AMOTL1: variants seen among roughly 807,000 people sequenced by gnomAD.
AMOTL1 encodes the protein angiomotin like 1.
In AMOTL1, 45 loss-of-function variants were observed where a neutral mutation model predicts 102.9. The ratio of observed to expected loss-of-function variants is 0.44; its 90% CI spans 0.34 to 0.56. The LOEUF (loss-of-function observed/expected upper bound fraction) is 0.56, where lower values mean the gene tolerates loss of function less well. AMOTL1 is among the 20% of genes least tolerant of loss of function. The probability of loss-of-function intolerance (pLI) is 0.01; values close to 1 mark genes in which losing one functional copy is unlikely to be tolerated. For synonymous variants in AMOTL1, 481 were observed against 484.7 expected (o/e 0.99, Z 0.10); for missense variants, 1,114 against 1,225.6 (o/e 0.91, Z 1.36).
chr11:94,847,978 T>A (rs1177122085), intron 6 of AMOTL1, among the ~76,000 whole-genome samples: 1 of 152,152 alleles, frequency 6.6e-6, no homozygotes, highest in Non-Finnish European at 1.5e-5. Flanking sequence ...ATGCTTAGGT[T>A]GATAACCAGG....
At chr11:94,771,742 ACCT>A (rs566988519) in intron 1 of AMOTL1, among the ~76,000 whole-genome samples, 178 of 152,018 alleles carry the variant, frequency 1.2e-3, no homozygotes, top group African/African-American at 4.2e-3. Context: ...GCCTTGTGTA[ACCT>A]TAGGGTATAT....
chr11:94,747,763 C>T lies in AMOTL1; in HGVS notation c.136+6775C>T, dbSNP rs116846808. On this transcript the variant is annotated intron_variant, in intron 3 of 4. Transcript: ENST00000299004. ...TGTCATTAAGGACCCTGGCTTCTTCCGTTTCCTGGCTTTACCATCTTCTAG... is the reference window on the plus strand; with the variant it reads ...TGTCATTAAGGACCCTGGCTTCTTCTGTTTCCTGGCTTTACCATCTTCTAG... 3.6e-4 allele frequency among the ~76,000 whole-genome samples: 55 copies of T among 152,286 alleles called. 1 individual carries two copies. In the East Asian group the frequency reaches 9.5e-3, roughly 26 times the overall value.
chr11:94,841,974 G>A (rs540002600), intron 6 of AMOTL1, among the ~76,000 whole-genome samples: 8 of 152,236 alleles, frequency 5.3e-5, no homozygotes, highest in South Asian at 2.1e-4. Flanking sequence ...AACTCACTGC[G>A]GGTTCTGGAT....
rs571040175 is a variant in AMOTL1, at chr11:94,734,178, G to A, written c.85+5123G>A. On this transcript the variant is annotated intron_variant, in intron 2 of 4. Transcript: ENST00000299004. The stretch of plus-strand genomic sequence containing the variant: ...GTTAATTTCATTTCATCTCTTGGTC[G>A]CTGGCCTTGAGGCAGATCCATACAA... 3.3e-5 allele frequency among the ~76,000 whole-genome samples: 5 copies of A among 152,216 alleles called. No individual in the cohort carries two copies. The East Asian group carries it at 5.8e-4, about 18-fold the overall frequency.
intron 1 of AMOTL1, among the ~76,000 whole-genome samples, chr11:94,771,427 T>C (rs1019782286): frequency 6.6e-6 from 1 of 151,994 alleles, no homozygotes; most frequent in African/African-American, 2.4e-5. Flanking sequence ...AAGCAAGGGG[T>C]AGTGTGGAGG....
At chr11:94,827,770 C>T (rs1022418890) in intron 4 of AMOTL1, among the ~76,000 whole-genome samples, 5 of 152,212 alleles carry the variant, frequency 3.3e-5, no homozygotes, top group African/African-American at 1.2e-4. Flanking sequence ...GCTCTCCAGC[C>T]TGTTCATCAG....
At chr11:94,788,624 T>C (rs1031941606) in intron 1 of AMOTL1, among the ~76,000 whole-genome samples, 3 of 152,222 alleles carry the variant, frequency 2.0e-5, no homozygotes, top group African/African-American at 7.2e-5. Flanking sequence ...TAACATACTT[T>C]GCAATAAAAA....
intron 3 of AMOTL1, among the ~76,000 whole-genome samples, chr11:94,817,870 A>T (rs1011348341): frequency 3.9e-5 from 6 of 152,156 alleles, no homozygotes; most frequent in Non-Finnish European, 4.4e-5. Context: ...GAAAGACTGA[A>T]ATAATCTTTT....
intron 1 of AMOTL1, 73 bp from the exon 2 acceptor site, chr11:94,794,938 G>A: frequency 2.0e-6 from 3 of 1,473,316 alleles, no homozygotes; most frequent in South Asian, 1.4e-5. Flanking sequence ...TGCCTGGTGG[G>A]TTCTTGTGAG....
In AMOTL1 at chr11:94,821,598, C is replaced by G. The variant is rs781483732; in HGVS notation, c.1190C>G (p.Ser397Cys). The change falls in exon 4 of 13, where the codon TCC (serine) becomes TGC (cysteine). Residue 397 changes from serine (S) to cysteine (C), a missense_variant. Physicochemically the swap from Ser to Cys is moderately radical, Grantham distance 112 (BLOSUM62 -1). Transcript: ENST00000433060. ...QHSPMSSQTS[S>C]ASGPLHSVSL... ...AGCCCCATGTCCTCCCAGACCTCTT[C>G]CGCCAGCGGGCCACTGCACTCTGTC... The G allele has an allele frequency of 3.1e-6, 5 of 1,613,778 alleles. No homozygotes were observed. Among genetic ancestry groups the G allele is most frequent in the Non-Finnish European group, 4.2e-6 (5 of 1,179,876 alleles).
chr11:94,847,627 A>C (rs1363314750), intron 6 of AMOTL1, among the ~76,000 whole-genome samples: 7 of 152,200 alleles, frequency 4.6e-5, no homozygotes, highest in Non-Finnish European at 8.8e-5. Context: ...CTGAGGCCTC[A>C]TAATTGTAAA....
At chr11:94,808,755 A>C (rs1487938236) in intron 3 of AMOTL1, among the ~76,000 whole-genome samples, 2 of 152,224 alleles carry the variant, frequency 1.3e-5, no homozygotes, top group Admixed American at 1.3e-4. Flanking sequence ...TATCTCATTA[A>C]ACATTTTCTA....
In AMOTL1 at chr11:94,871,181, C is replaced by T. The variant is rs1952989323; in HGVS notation, c.*386C>T. ...CTTGGAATACCCCCATTCTCCTTGCCTCTTAGCATGTTTGATTTAAGAAAA... is the reference window on the plus strand; with the variant it reads ...CTTGGAATACCCCCATTCTCCTTGCTTCTTAGCATGTTTGATTTAAGAAAA... On this transcript the variant is annotated 3_prime_UTR_variant, in exon 13 of 13. Coordinates refer to ENST00000433060, the MANE Select transcript of AMOTL1 (RefSeq NM_130847.3). The T allele has an allele frequency of 6.4e-6, 1 of 156,956 alleles. No homozygotes were observed. Among genetic ancestry groups the T allele is most frequent in the South Asian group, 2.0e-4 (1 of 5,010 alleles). The allele number at this position is 156,956 out of a possible 1,614,324, so 9.7% of individuals were successfully genotyped here.
chr11:94,874,219 T>A lies in AMOTL1; in HGVS notation c.*3424T>A, dbSNP rs1405510408. The A allele has an allele frequency of 6.6e-6, 1 of 152,244 alleles. No homozygotes were observed. The highest frequency in any genetic ancestry group is 1.5e-5 in the Non-Finnish European group (1 of 68,042). 9.4% of individuals were successfully genotyped at this position (152,244 alleles called of 1,614,324 possible). ...CATGAGAACTATTACTGTCTGCAGG[T>A]CCATATAGCTAAGCTGCCAGGAAAA... On this transcript the variant is annotated 3_prime_UTR_variant, in exon 13 of 13. Transcript: ENST00000433060.
intron 1 of AMOTL1, among the ~76,000 whole-genome samples, chr11:94,707,214 G>GTCTCTC (rs56290112): frequency 2.4e-4 from 32 of 132,334 alleles, no homozygotes; most frequent in African/African-American, 9.0e-4. Context: ...TATACATGAG[G>GTCTCTC]TCTCTCTCTC....
At chr11:94,823,051 T>C (rs1951897404) in intron 4 of AMOTL1, among the ~76,000 whole-genome samples, 1 of 152,190 alleles carries the variant, frequency 6.6e-6, no homozygotes, top group Admixed American at 6.5e-5. Context: ...CAATTAATGC[T>C]CCGGCTGGCC....
rs111859631 is a variant in AMOTL1 at position 94,745,696 on chromosome 11, G to A, written c.136+4708G>A. ...ACCTTGCGTGGATATGGTAAATGGT[G>A]TATGTAAAGTCCATGTATTGAATGT... On this transcript the variant is annotated intron_variant, in intron 3 of 4. Transcript: ENST00000299004. Among the ~76,000 whole-genome samples, 892 of 152,310 alleles carry A rather than the reference G, an allele frequency of 5.9e-3. 7 individuals carry two copies. The highest frequency in any genetic ancestry group is 0.02 in the African/African-American group (835 of 41,560).
At chr11:94,750,347 T>G (rs1950637502) in intron 3 of AMOTL1, among the ~76,000 whole-genome samples, 1 of 152,218 alleles carries the variant, frequency 6.6e-6, no homozygotes, top group African/African-American at 2.4e-5. Flanking sequence ...TGACACTGGC[T>G]GTTGCTGCTG....
At chr11:94,841,471 A>G (rs1469876931) in intron 6 of AMOTL1, among the ~76,000 whole-genome samples, 1 of 152,150 alleles carries the variant, frequency 6.6e-6, no homozygotes, top group Non-Finnish European at 1.5e-5. Context: ...AAGAAAGAAA[A>G]AAGAAGGCAA....
Sources: allele counts gnomAD v4.1 joint callset (sites outside exome capture counted in the v4.1 genomes callset), GRCh38; gene constraint gnomAD v4.1.1; transcripts MANE v1.5; gene names NCBI Gene and HGNC (gene_info 2026-07-23, HGNC 2026-07-21).